The following RPS6KC1 variants were observed in gnomAD, a reference collection of about 807,000 sequenced individuals.
RPS6KC1 encodes the protein ribosomal protein S6 kinase C1, also known as inactive ribosomal protein S6 kinase delta-1.
Under a neutral mutation model 103.8 loss-of-function variants are expected in RPS6KC1, and 54 were observed. The ratio of observed to expected loss-of-function variants is 0.52; its 90% CI spans 0.42 to 0.65. The LOEUF (loss-of-function observed/expected upper bound fraction) is 0.65, where lower values mean the gene tolerates loss of function less well. RPS6KC1 is among the 30% of genes least tolerant of loss of function. The pLI is 0.00. For synonymous variants in RPS6KC1, 439 were observed against 438.7 expected (o/e 1.00, Z -0.01); for missense variants, 1,151 against 1,253.8 (o/e 0.92, Z 1.24).
At chr1:213,828,596 G>A in the RPS6KC1 span, among the ~76,000 whole-genome samples, 1 of 152,176 alleles carries the variant, frequency 6.6e-6, no homozygotes, top group Admixed American at 6.5e-5. Flanking sequence ...TGGCTCAGTT[G>A]TATAATCCTT....
chr1:213,609,563 C>T, the RPS6KC1 span, among the ~76,000 whole-genome samples: 10 of 151,938 alleles, frequency 6.6e-5, no homozygotes, highest in Admixed American at 2.0e-4. Context: ...TGTGCATCCC[C>T]GGAAATGGTT....
chr1:213,545,411 T>TAAATAAATA, the RPS6KC1 span, among the ~76,000 whole-genome samples: 414 of 75,210 alleles, frequency 5.5e-3, 2 homozygotes, highest in South Asian at 0.021. Context: ...AATAAATAAA[T>TAAATAAATA]AAATAAAATA....
At chr1:213,761,308 G>A in the RPS6KC1 span, among the ~76,000 whole-genome samples, 7 of 152,164 alleles carry the variant, frequency 4.6e-5, no homozygotes, top group Non-Finnish European at 1.0e-4. Context: ...CAAAAGCACA[G>A]CCAGATGAAT....
chr1:213,113,878 G>A (rs1305044670), intron 4 of RPS6KC1, among the ~76,000 whole-genome samples: 1 of 151,944 alleles, frequency 6.6e-6, no homozygotes, highest in Non-Finnish European at 1.5e-5. Context: ...GTAGATATGC[G>A]GCGTTATTTC....
chr1:213,860,997 T>C, the RPS6KC1 span, among the ~76,000 whole-genome samples: 1 of 152,044 alleles, frequency 6.6e-6, no homozygotes, highest in Non-Finnish European at 1.5e-5. Flanking sequence ...TTTGTAAAGA[T>C]GGTGTTTCAC....
chr1:213,780,868 C>A, the RPS6KC1 span, among the ~76,000 whole-genome samples: 1 of 152,052 alleles, frequency 6.6e-6, no homozygotes. Context: ...ACTAAAAATG[C>A]AAAAATTATC....
chr1:213,154,117 C>G (rs2089585938), intron 6 of RPS6KC1, among the ~76,000 whole-genome samples: 1 of 149,996 alleles, frequency 6.7e-6, no homozygotes, highest in Non-Finnish European at 1.5e-5. Context: ...CATATAAAAT[C>G]TCTCTCTCTG....
At chr1:213,419,204 C>T in the RPS6KC1 span, among the ~76,000 whole-genome samples, 1 of 152,208 alleles carries the variant, frequency 6.6e-6, no homozygotes, top group Non-Finnish European at 1.5e-5. Flanking sequence ...TCTGATGATG[C>T]CCCTCCTAGA....
chr1:213,597,556 G>C, the RPS6KC1 span, among the ~76,000 whole-genome samples: 1 of 152,216 alleles, frequency 6.6e-6, no homozygotes. Context: ...TCCATGCTTA[G>C]GTTCAGCAGG....
chr1:213,517,859 A>T, the RPS6KC1 span, among the ~76,000 whole-genome samples: 23 of 152,120 alleles, frequency 1.5e-4, no homozygotes, highest in African/African-American at 4.8e-4. Flanking sequence ...ATTGTGTGGG[A>T]GTCTAAGTCT....
the RPS6KC1 span, among the ~76,000 whole-genome samples, chr1:213,656,106 T>TGA: frequency 6.6e-5 from 10 of 152,248 alleles, no homozygotes; most frequent in Non-Finnish European, 4.4e-5. Flanking sequence ...AGAAAGTTTC[T>TGA]GACTTGGGTA....
chr1:213,725,322 T>C, the RPS6KC1 span, among the ~76,000 whole-genome samples: 1 of 152,244 alleles, frequency 6.6e-6, no homozygotes, highest in Non-Finnish European at 1.5e-5. Flanking sequence ...CCAGGAAGTT[T>C]TCACTGGCTT....
At chr1:213,489,625 A>C in the RPS6KC1 span, among the ~76,000 whole-genome samples, 1 of 152,172 alleles carries the variant, frequency 6.6e-6, no homozygotes, top group Non-Finnish European at 1.5e-5. Context: ...ATATTACACC[A>C]CAGTCTGCTG....
the RPS6KC1 span, among the ~76,000 whole-genome samples, chr1:213,668,601 C>T: frequency 0.37 from 56,891 of 151,788 alleles, 12,941 homozygotes; most frequent in South Asian, 0.7. Context: ...CTTAAAGTTA[C>T]AAGCTACATT....
chr1:213,173,404 G>C (rs2091628230), intron 7 of RPS6KC1, among the ~76,000 whole-genome samples: 1 of 152,052 alleles, frequency 6.6e-6, no homozygotes, highest in South Asian at 2.1e-4. Flanking sequence ...TTTTCATTGG[G>C]TTATTTCTCA....
chr1:213,288,848 T>A, the RPS6KC1 span, among the ~76,000 whole-genome samples: 1 of 152,248 alleles, frequency 6.6e-6, no homozygotes, highest in African/African-American at 2.4e-5. Flanking sequence ...AGAAACTTCC[T>A]GTGCGAATGG....
rs868596939 is a variant in RPS6KC1, at chr1:213,116,640, C to A, written c.379-677C>A. Among the ~76,000 whole-genome samples the A allele has an allele frequency of 3.3e-4, 50 of 151,418 alleles. 2 individuals are homozygous for A. In the Middle Eastern group the frequency reaches 0.014, roughly 41 times the overall value. ...TGCTCGTTAGTCGATGCAGTTTCTT[C>A]CTAGTCTCGATGGTCTTTACATTTT... On this transcript the variant is annotated intron_variant, in intron 4 of 14. Transcript: ENST00000366960.
At chr1:213,496,543 A>G in the RPS6KC1 span, among the ~76,000 whole-genome samples, 1 of 152,166 alleles carries the variant, frequency 6.6e-6, no homozygotes, top group African/African-American at 2.4e-5. Flanking sequence ...GAATCATTTG[A>G]GGTCAAGGGT....
At chr1:213,648,065 T>C in the RPS6KC1 span, among the ~76,000 whole-genome samples, 2 of 152,176 alleles carry the variant, frequency 1.3e-5, no homozygotes, top group African/African-American at 4.8e-5. Flanking sequence ...ATGATGTCAT[T>C]GAAAAGAATG....
Sources: allele counts gnomAD v4.1 joint callset (sites outside exome capture counted in the v4.1 genomes callset), GRCh38; gene constraint gnomAD v4.1.1; transcripts MANE v1.5; gene names NCBI Gene and HGNC (gene_info 2026-07-23, HGNC 2026-07-21).